GAA: variants seen among roughly 807,000 people sequenced by gnomAD.
The protein encoded by GAA is alpha glucosidase, also known as lysosomal alpha-glucosidase.
GAA carries 88 observed loss-of-function variants against 103.9 expected under a neutral mutation model. The ratio of observed to expected loss-of-function variants is 0.85; its 90% CI spans 0.71 to 1.01. The LOEUF (loss-of-function observed/expected upper bound fraction) is 1.01. GAA is among the 50% of genes least tolerant of loss of function. GAA has a pLI of 0.00. For synonymous variants in GAA, 572 were observed against 563.1 expected, an observed-to-expected ratio of 1.02 and a Z score of -0.22; for missense variants, 1,350 against 1,305.3, an observed-to-expected ratio of 1.03 and a Z score of -0.53.
chr17:80,118,779 A>G lies in GAA; in HGVS notation c.2773A>G (p.Asn925Asp), dbSNP rs2039417689. 1 of 1,613,360 alleles carries G rather than the reference A, an allele frequency of 6.2e-7. No homozygotes were observed. Among genetic ancestry groups the G allele is most frequent in the Admixed American group, 1.7e-5 (1 of 60,006 alleles). ...QVLSNGVPVS[N>D]FTYSPDTKVL... ...CCTCTCCAACGGTGTCCCTGTCTCC[A>G]ACTTCACCTACAGCCCCGACACCAA... The change falls in exon 19 of 20, where the codon AAC (asparagine) becomes GAC (aspartate). Residue 925 changes from asparagine (N) to aspartate (D), a missense_variant. By Grantham distance (23) the Asn-to-Asp change is conservative. Coordinates refer to ENST00000302262, the MANE Select transcript of GAA (RefSeq NM_000152.5).
Position 80,105,850 on chromosome 17 carries a change from G to A in GAA, c.648G>A (p.Glu216=). The A allele has an allele frequency of 6.2e-7, 1 of 1,606,580 alleles. No individual in the cohort carries two copies. The highest frequency in any genetic ancestry group is 8.5e-7 in the Non-Finnish European group (1 of 1,178,988). ...TCTACAGCGTGGAGTTCTCCGAGGA[G>A]CCCTTCGGGGTGATCGTGCGCCGGC... ...SPLYSVEFSE[E]PFGVIVRRQL... is the part of the protein sequence containing the mutation. Residue 216 remains glutamate (E), a synonymous_variant, in exon 3 of 20, where the codon GAG becomes GAA. Coordinates refer to ENST00000302262, the MANE Select transcript of GAA (RefSeq NM_000152.5).
chr17:80,111,558 A>G (rs752856486), intron 11 of GAA, among the ~76,000 whole-genome samples: 13 of 152,194 alleles, frequency 8.5e-5, no homozygotes, highest in Non-Finnish European at 7.3e-5. Context: ...CTGTCTTAGC[A>G]GGAATGGCAG....
intron 12 of GAA, 117 bp downstream of exon 12, chr17:80,112,217 G>A (rs1003621149): frequency 4.8e-6 from 5 of 1,039,518 alleles, no homozygotes; most frequent in African/African-American, 3.1e-5. Flanking sequence ...CCCGGGGCCC[G>A]CTGGCGGCCC....
chr17:80,114,014 A>T (rs1408876421), intron 15 of GAA, among the ~76,000 whole-genome samples: 1 of 152,030 alleles, frequency 6.6e-6, no homozygotes, highest in East Asian at 1.9e-4. Flanking sequence ...TCTCAAAAAA[A>T]AAAAACCAAG....
chr17:80,119,716 T>C lies in GAA; in HGVS notation c.*385T>C. 3.3e-6 allele frequency: 1 copy of C among 306,224 alleles called. No homozygotes were observed. The highest frequency in any genetic ancestry group is 6.4e-6 in the Non-Finnish European group (1 of 155,594). 19.0% of individuals were successfully genotyped at this position (306,224 alleles called of 1,614,324 possible). On this transcript the variant is annotated 3_prime_UTR_variant, in exon 20 of 20. Coordinates refer to ENST00000302262, the MANE Select transcript of GAA (RefSeq NM_000152.5). ...GTGGGGTATGCACCTGAGCTCCTGC[T>C]TCGCGCCTGCTGCTCTGCCCCAACG...
intron 2 of GAA, 110 bp downstream of exon 2, chr17:80,105,242 C>T: frequency 1.7e-6 from 2 of 1,150,120 alleles, no homozygotes; most frequent in Non-Finnish European, 2.4e-6. Context: ...GTGTGCTGGG[C>T]CCTTGCTGGG....
intron 11 of GAA, chr17:80,111,765 C>A: frequency 1.7e-6 from 1 of 577,668 alleles, no homozygotes; most frequent in Non-Finnish European, 3.1e-6. Context: ...GCTCCAGCAC[C>A]CGCCCAGCCC....
intron 2 of GAA, among the ~76,000 whole-genome samples, chr17:80,105,362 G>A (rs1013073367): frequency 2.0e-5 from 3 of 152,210 alleles, no homozygotes; most frequent in Non-Finnish European, 4.4e-5. Context: ...TTTATGAAAA[G>A]GTGGGTCAGG....
At chr17:80,108,930 G>A in intron 8 of GAA, 102 bp downstream of exon 8, 1 of 1,388,010 alleles carries the variant, frequency 7.2e-7, no homozygotes, top group Non-Finnish European at 9.7e-7. Context: ...GGTCGCCGAG[G>A]ATGTTTTCTG....
At position 80,112,007 on chromosome 17, in the gene GAA, C is replaced by T. The variant is rs772260861; in HGVS notation, c.1661C>T (p.Ala554Val). The change falls in exon 12 of 20, where the codon GCG (alanine) becomes GTG (valine). Residue 554 changes from alanine to valine, a missense_variant. Coordinates refer to ENST00000302262, the MANE Select transcript of GAA (RefSeq NM_000152.5). ...VPGVVGGTLQ[A>V]ATICASSHQF... ...GGGGTGGTTGGGGGGACCCTCCAGGCGGCCACCATCTGTGCCTCCAGCCAC... is the reference window on the plus strand; with the variant it reads ...GGGGTGGTTGGGGGGACCCTCCAGGTGGCCACCATCTGTGCCTCCAGCCAC... 1.1e-5 allele frequency: 17 copies of T among 1,613,724 alleles called. No individual in the cohort carries two copies. Among genetic ancestry groups the T allele is most frequent in the South Asian group, 8.8e-5 (8 of 91,094 alleles).
At position 80,104,154 on chromosome 17, in the gene GAA, C is replaced by G. The variant is rs907070168; in HGVS notation, c.-32-401C>G. On this transcript the variant is annotated intron_variant, in intron 1 of 19. Coordinates refer to ENST00000302262, the MANE Select transcript of GAA (RefSeq NM_000152.5). This position sits in a 1 kb window ranked among gnomAD's most constrained non-coding sequence, Gnocchi z 4.0. ...TGGTGTGTGCCTACAGTCCCAGCTA[C>G]TCAGGAGGCTGAAGTGGGAGGATTG... Among the ~76,000 whole-genome samples the G allele has an allele frequency of 6.6e-6, 1 of 152,164 alleles. No homozygotes were observed. The highest frequency in any genetic ancestry group is 1.5e-5 in the Non-Finnish European group (1 of 68,028).
rs1224298513 is a variant in GAA, at chr17:80,110,728, T to C, written c.1439T>C (p.Val480Ala). 6.2e-7 allele frequency: 1 copy of C among 1,613,744 alleles called. No individual in the cohort carries two copies. Among genetic ancestry groups the C allele is most frequent in the Non-Finnish European group, 8.5e-7 (1 of 1,179,904 alleles). The change falls in exon 10 of 20, where the codon GTA (valine) becomes GCA (alanine). Residue 480 changes from valine (V) to alanine (A), a missense_variant and splice_region_variant. Physicochemically the swap from Val to Ala is moderately conservative, Grantham distance 64. Transcript: ENST00000302262. Reference sequence around the variant, plus strand: ...CCACTGCAGCCTCTCGTTGTCCAGGTATGGCCCGGGTCCACTGCCTTCCCC... The same window carrying C: ...CCACTGCAGCCTCTCGTTGTCCAGGCATGGCCCGGGTCCACTGCCTTCCCC... ...NETGQPLIGKVWPGSTAFPDF... is the reference protein window; with the variant it reads ...NETGQPLIGKAWPGSTAFPDF...
chr17:80,108,291 TG>T lies in GAA; in HGVS notation c.958del (p.Val320TrpfsTer72). ...ACCCCAGAGCTGCTTCCCTTCCAGA[TG>T]TGGTCCTGCAGCCGAGCCCTGCCCT... is the stretch of plus-strand genomic sequence containing the variant. ...VFLLNSNAMD[V>X]VLQPSPALSW... On this transcript the variant is annotated frameshift_variant and splice_region_variant, in exon 6 of 20. Coordinates refer to ENST00000302262, the MANE Select transcript of GAA (RefSeq NM_000152.5). LOFTEE classifies it high-confidence loss of function. 6.2e-7 allele frequency: 1 copy of T among 1,613,536 alleles called. No homozygotes were observed. Among genetic ancestry groups the T allele is most frequent in the African/African-American group, 1.3e-5 (1 of 75,040 alleles).
At position 80,104,584 on chromosome 17, in the gene GAA, ACCATGGGAGTGAGGCACC is replaced by A; in HGVS notation, c.-1_17del. 1.9e-6 allele frequency: 3 copies of A among 1,609,334 alleles called. No homozygotes were observed. The highest frequency in any genetic ancestry group is 2.5e-6 in the Non-Finnish European group (3 of 1,178,270). On this transcript the variant is annotated start_lost and 5_prime_UTR_variant, in exon 2 of 20. Coordinates refer to ENST00000302262, the MANE Select transcript of GAA (RefSeq NM_000152.5). The surrounding 1 kb of genome is among the most constrained non-coding windows in gnomAD (Gnocchi z 4.0). Reference sequence around the variant, plus strand: ...GTAGGAGCTGTCCAGGCCATCTCCAACCATGGGAGTGAGGCACCCGCCCTGCTCCCACCGGCTCCTGGC... The same window carrying A: ...GTAGGAGCTGTCCAGGCCATCTCCAACGCCCTGCTCCCACCGGCTCCTGGC...
chr17:80,111,864 A>T, intron 11 of GAA, 119 bp from the exon 12 acceptor site: 2 of 795,704 alleles, frequency 2.5e-6, no homozygotes, highest in Admixed American at 2.0e-5. Context: ...GTGCACCTCC[A>T]GGGCCAGCCT....
At position 80,113,001 on chromosome 17, in the gene GAA, C is replaced by G; in HGVS notation, c.2014C>G (p.Arg672Gly). The G allele has an allele frequency of 6.2e-7, 1 of 1,610,488 alleles. No homozygotes were observed. Among genetic ancestry groups the G allele is most frequent in the East Asian group, 2.2e-5 (1 of 44,780 alleles). Residue 672 changes from arginine to glycine, a missense_variant, in exon 14 of 20, where the codon CGG (arginine) becomes GGG (glycine). Arg to Gly is a moderately radical substitution (Grantham distance 125, BLOSUM62 -2). Transcript: ENST00000302262. ...TQLGAFYPFM[R>G]NHNSLLSLPQ... ...GCTGGGGGCCTTCTACCCCTTCATG[C>G]GGAACCACAACAGCCTGCTCAGTCT...
intron 15 of GAA, among the ~76,000 whole-genome samples, chr17:80,115,958 CA>C (rs1183297167): frequency 1.3e-5 from 2 of 152,200 alleles, no homozygotes; most frequent in Non-Finnish European, 2.9e-5. Context: ...TACAAAGATT[CA>C]GCCATTTTGT....
In GAA at chr17:80,105,127, T is replaced by C. The variant is rs763196386; in HGVS notation, c.541T>C (p.Phe181Leu). ...VMMETENRLH[F>L]TIKDPANRRY... ...GATGGAGACTGAGAACCGCCTCCAC[T>C]TCACGGTGGGCAGGGCAGGGGCGGG... Residue 181 changes from phenylalanine to leucine, a missense_variant, in exon 2 of 20, where the codon TTC becomes CTC. Transcript: ENST00000302262. 1 of 1,604,974 alleles carries C rather than the reference T, an allele frequency of 6.2e-7. No homozygotes were observed. Among genetic ancestry groups the C allele is most frequent in the Non-Finnish European group, 8.5e-7 (1 of 1,177,110 alleles).
Position 80,107,645 on chromosome 17 carries a change from G to T in GAA, c.781G>T (p.Ala261Ser). ...GCCCTCGCAGTATATCACAGGCCTC[G>T]CCGAGCACCTCAGTCCCCTGATGCT... The part of the protein sequence containing the change: ...SLPSQYITGL[A>S]EHLSPLMLST... Residue 261 changes from alanine to serine, a missense_variant, in exon 4 of 20, where the codon GCC becomes TCC. Coordinates refer to ENST00000302262, the MANE Select transcript of GAA (RefSeq NM_000152.5). The T allele has an allele frequency of 6.2e-7, 1 of 1,613,086 alleles. No homozygotes were observed. Among genetic ancestry groups the T allele is most frequent in the Non-Finnish European group, 8.5e-7 (1 of 1,179,864 alleles).
Sources: gnomAD v4.1 joint callset for allele counts (sites outside exome capture counted in the v4.1 genomes callset) on GRCh38, gnomAD v4.1.1 for gene constraint, Gnocchi (gnomAD v3.1) non-coding constraint, MANE v1.5 for transcripts, NCBI Gene and HGNC (gene_info 2026-07-23, HGNC 2026-07-21) for gene names.